The following FOXJ3 variants were observed in gnomAD, a reference collection of about 807,000 sequenced individuals.
FOXJ3 encodes the protein forkhead box protein J3.
Under a neutral mutation model 76.1 loss-of-function variants are expected in FOXJ3, and 22 were observed. The ratio of observed to expected loss-of-function variants is 0.29; its 90% CI spans 0.21 to 0.41. The LOEUF (loss-of-function observed/expected upper bound fraction) is 0.41, where lower values mean the gene tolerates loss of function less well. Among genes scored for constraint, FOXJ3 ranks in the 10% least tolerant of loss-of-function variants. The probability of loss-of-function intolerance (pLI) is 1.00; values close to 1 mark genes in which losing one functional copy is unlikely to be tolerated. For missense variants in FOXJ3, 613 were observed against 762.1 expected (o/e 0.80, Z 2.30); for synonymous variants, 269 against 261.2 (o/e 1.03, Z -0.29).
intron 4 of FOXJ3, among the ~76,000 whole-genome samples, chr1:42,253,655 T>C (rs1234254956): frequency 6.6e-6 from 1 of 152,190 alleles, no homozygotes; most frequent in African/African-American, 2.4e-5. Flanking sequence ...TCAGAAATAA[T>C]GCCGCATATC....
intron 10 of FOXJ3, 145 bp from the exon 11 acceptor site, chr1:42,189,073 C>A (rs1200031826): frequency 3.2e-6 from 2 of 621,346 alleles, no homozygotes; most frequent in Admixed American, 3.2e-5. Context: ...TGAAGAATGA[C>A]CTTTTTAAAT....
chr1:42,224,484 C>A (rs1647386699), intron 5 of FOXJ3, among the ~76,000 whole-genome samples: 1 of 151,982 alleles, frequency 6.6e-6, no homozygotes, highest in African/African-American at 2.4e-5. Flanking sequence ...GAAACCCCAT[C>A]TCTACTAAAA....
chr1:42,305,923 C>T (rs920037029), intron 2 of FOXJ3, among the ~76,000 whole-genome samples: 1 of 152,146 alleles, frequency 6.6e-6, no homozygotes, highest in African/African-American at 2.4e-5. Flanking sequence ...ACCCCACTTA[C>T]GGATGTGATT....
At chr1:42,183,437 T>C (rs1242575801) in intron 11 of FOXJ3, among the ~76,000 whole-genome samples, 1 of 149,298 alleles carries the variant, frequency 6.7e-6, no homozygotes, top group Non-Finnish European at 1.5e-5. Context: ...TCTTAATATA[T>C]TTTCATTAAC....
intron 2 of FOXJ3, among the ~76,000 whole-genome samples, chr1:42,283,530 A>G (rs1298223011): frequency 6.6e-6 from 1 of 152,206 alleles, no homozygotes; most frequent in African/African-American, 2.4e-5. Context: ...AAGGGGGGCA[A>G]ATGGGTACAG....
intron 4 of FOXJ3, among the ~76,000 whole-genome samples, chr1:42,262,546 T>C (rs1651122082): frequency 6.6e-6 from 1 of 152,100 alleles, no homozygotes; most frequent in Admixed American, 6.5e-5. Flanking sequence ...AAGAGAAAAA[T>C]GTATTTAAAC....
chr1:42,204,994 G>GA (rs1008792807), intron 6 of FOXJ3, among the ~76,000 whole-genome samples: 2 of 151,934 alleles, frequency 1.3e-5, no homozygotes, highest in East Asian at 1.9e-4. Flanking sequence ...GAGAGGGAGA[G>GA]AAAAAAAGAG....
At chr1:42,237,169 A>T (rs1648713779) in intron 4 of FOXJ3, among the ~76,000 whole-genome samples, 1 of 151,846 alleles carries the variant, frequency 6.6e-6, no homozygotes, top group Non-Finnish European at 1.5e-5. Flanking sequence ...AGGTAAGGAG[A>T]TCGAGACCAT....
chr1:42,315,781 T>C (rs142251656), intron 1 of FOXJ3, among the ~76,000 whole-genome samples: 1 of 152,330 alleles, frequency 6.6e-6, no homozygotes, highest in Non-Finnish European at 1.5e-5. Context: ...TCAACTGTAG[T>C]TGAACAACTA....
intron 5 of FOXJ3, among the ~76,000 whole-genome samples, chr1:42,220,763 T>C (rs1469448413): frequency 6.6e-6 from 1 of 152,182 alleles, no homozygotes; most frequent in Non-Finnish European, 1.5e-5. Context: ...TTACCCTTAT[T>C]GGCTTCATTC....
At chr1:42,282,449 A>T (rs1652785378) in intron 2 of FOXJ3, among the ~76,000 whole-genome samples, 1 of 152,168 alleles carries the variant, frequency 6.6e-6, no homozygotes, top group Non-Finnish European at 1.5e-5. Flanking sequence ...CTAATCTTTT[A>T]TTAATCCTTC....
At chr1:42,274,347 TAAC>T (rs1652095668) in intron 3 of FOXJ3, among the ~76,000 whole-genome samples, 1 of 152,230 alleles carries the variant, frequency 6.6e-6, no homozygotes, top group Admixed American at 6.5e-5. Flanking sequence ...AATATACTGT[TAAC>T]AATCACTTCT....
chr1:42,274,311 TTC>T lies in FOXJ3; in HGVS notation c.369+4035_369+4036del, dbSNP rs1456278176. 7.2e-5 allele frequency among the ~76,000 whole-genome samples: 11 copies of T among 152,224 alleles called. No homozygotes were observed. The South Asian group carries it at 1.2e-3, about 17-fold the overall frequency. ...ATTCGGTATATCCTCCACTGAAACA[TTC>T]TGTTAGGATAGACTCCTATTCAAAA... On this transcript the variant is annotated intron_variant, in intron 3 of 12. Coordinates refer to ENST00000361346, the MANE Select transcript of FOXJ3 (RefSeq NM_014947.5).
intron 6 of FOXJ3, among the ~76,000 whole-genome samples, chr1:42,204,600 G>C (rs549379379): frequency 1.3e-5 from 2 of 152,106 alleles, no homozygotes; most frequent in African/African-American, 2.4e-5. Flanking sequence ...GTCACCATTA[G>C]AGATCATTTT....
rs577562596 is a variant in FOXJ3 at position 42,278,819 on chromosome 1, A to G, written c.45-147T>C. The G allele has an allele frequency of 1.0e-4, 59 of 581,008 alleles. No individual in the cohort carries two copies. In the African/African-American group the frequency reaches 1.1e-3, roughly 11 times the overall value. 36.0% of individuals were successfully genotyped at this position (581,008 alleles called of 1,614,324 possible). ...AAAGATTGAGTATGTTAATGAGCAA[A>G]CCAAATATTTAAGGGATCAACATTC... is the stretch of plus-strand genomic sequence containing the variant. On this transcript the variant is annotated intron_variant, in intron 2 of 12. Transcript: ENST00000361346.
intron 2 of FOXJ3, among the ~76,000 whole-genome samples, chr1:42,291,083 T>TAGACAGACAGACAGACAGAC (rs71065113): frequency 0.015 from 1,952 of 126,364 alleles, 32 homozygotes; most frequent in East Asian, 0.021. Context: ...GATAGATAGA[T>TAGACAGACAGACAGACAGAC]AGACAGACAG....
chr1:42,221,003 T>C (rs1406717845), intron 5 of FOXJ3, among the ~76,000 whole-genome samples: 1 of 152,200 alleles, frequency 6.6e-6, no homozygotes, highest in Non-Finnish European at 1.5e-5. Flanking sequence ...AGAATAAACA[T>C]ACATGTTAAC....
Position 42,275,411 on chromosome 1 carries a change from G to C in FOXJ3, c.369+2937C>G, listed in dbSNP as rs964432769. Among the ~76,000 whole-genome samples the C allele has an allele frequency of 6.6e-5, 10 of 152,256 alleles. No homozygotes were observed. In the East Asian group the frequency reaches 1.7e-3, roughly 26 times the overall value. ...AGAATATGAATATAACATGTGCAGG[G>C]ACGAAAGAAAGCAGTGGCCCACATC... is the stretch of plus-strand genomic sequence containing the variant. On this transcript the variant is annotated intron_variant, in intron 3 of 12. Transcript: ENST00000361346.
chr1:42,195,289 C>T (rs1646630696), intron 7 of FOXJ3, among the ~76,000 whole-genome samples: 1 of 152,150 alleles, frequency 6.6e-6, no homozygotes, highest in African/African-American at 2.4e-5. Context: ...CCATACTTCA[C>T]AGAAGGAAAG....
Sources: gnomAD v4.1 joint callset for allele counts (sites outside exome capture counted in the v4.1 genomes callset) on GRCh38, gnomAD v4.1.1 for gene constraint, MANE v1.5 for transcripts, NCBI Gene and HGNC (gene_info 2026-07-23, HGNC 2026-07-21) for gene names.